Variants in GRM7 observed in about 807,000 individuals in gnomAD.
The protein encoded by GRM7 is glutamate metabotropic receptor 7.
A neutral mutation model predicts 84.5 loss-of-function variants in GRM7; 35 were observed. The observed-to-expected ratio is 0.41, with a 90% CI of 0.32 to 0.55. The LOEUF (loss-of-function observed/expected upper bound fraction) is 0.55, where lower values mean the gene tolerates loss of function less well. Ranked by LOEUF, GRM7 falls within the 20% of genes least tolerant of loss-of-function variation. The pLI, the probability that GRM7 is intolerant of heterozygous loss-of-function variation, is 0.19. For synonymous variants in GRM7, 487 were observed against 455.1 expected (o/e 1.07, Z -0.89); for missense variants, 1,003 against 1,194.6 (o/e 0.84, Z 2.36).
At chr3:7,565,013 C>A (rs1001924360) in intron 7 of GRM7, among the ~76,000 whole-genome samples, 6 of 152,272 alleles carry the variant, frequency 3.9e-5, no homozygotes, top group East Asian at 3.9e-4. Context: ...TTGTCCTCCA[C>A]CTAGTAACTG....
Position 7,694,743 on chromosome 3 carries a change from C to CTGTT in GRM7, c.2698+14449_2698+14452dup, listed in dbSNP as rs376873532. Reference sequence around the variant, plus strand: ...ACCATCATGGTTTAAAAATTAGTACCTGTTAGTACTCAGATATTTAAGGAA... The same window carrying CTGTT: ...ACCATCATGGTTTAAAAATTAGTACCTGTTTGTTAGTACTCAGATATTTAAGGAA... On this transcript the variant is annotated intron_variant, in intron 9 of 9. Transcript: ENST00000357716. Among the ~76,000 whole-genome samples, 1,259 of 152,228 alleles carry CTGTT rather than the reference C, an allele frequency of 8.3e-3. 14 individuals are homozygous for CTGTT. Among genetic ancestry groups the CTGTT allele is most frequent in the South Asian group, 0.043 (205 of 4,822 alleles).
chr3:6,919,523 A>G (rs984793982), intron 1 of GRM7, among the ~76,000 whole-genome samples: 10 of 150,812 alleles, frequency 6.6e-5, no homozygotes, highest in African/African-American at 7.3e-5. Flanking sequence ...TATATTTTAT[A>G]TCTTATGCTT....
intron 2 of GRM7, among the ~76,000 whole-genome samples, chr3:7,297,504 G>A (rs2125019658): frequency 6.6e-6 from 1 of 152,184 alleles, no homozygotes; most frequent in Non-Finnish European, 1.5e-5. Flanking sequence ...TAGTTTTGTT[G>A]GGTGTTTATA....
rs188470218 is a variant in GRM7 at position 7,459,982 on chromosome 3, C to A, written c.1376-1601C>A. Among the ~76,000 whole-genome samples, 11 of 150,822 alleles carry A rather than the reference C, an allele frequency of 7.3e-5. No homozygotes were observed. The East Asian group carries it at 2.0e-3, about 27-fold the overall frequency. On this transcript the variant is annotated intron_variant, in intron 6 of 9. Transcript: ENST00000357716. ...GAAGACTGCCTTCAAATACATAGAT[C>A]AAGAGTGACAAGACAGAGACAGGAT...
At chr3:6,938,900 C>G (rs934588614) in intron 1 of GRM7, among the ~76,000 whole-genome samples, 1 of 152,168 alleles carries the variant, frequency 6.6e-6, no homozygotes, top group Admixed American at 6.5e-5. Flanking sequence ...GATATTCCTT[C>G]TTATTATAAA....
intron 2 of GRM7, among the ~76,000 whole-genome samples, chr3:7,238,420 G>T (rs917480307): frequency 2.0e-5 from 3 of 151,254 alleles, no homozygotes; most frequent in African/African-American, 4.9e-5. Flanking sequence ...TCGAAATTGA[G>T]CCTAGAAAGC....
intron 1 of GRM7, among the ~76,000 whole-genome samples, chr3:6,888,773 T>G (rs1177389495): frequency 6.6e-6 from 1 of 152,132 alleles, no homozygotes; most frequent in African/African-American, 2.4e-5. Flanking sequence ...GTGAAGAAAA[T>G]CATTGGTAGC....
intron 7 of GRM7, among the ~76,000 whole-genome samples, chr3:7,513,671 T>C (rs1211175074): frequency 2.6e-5 from 4 of 152,220 alleles, no homozygotes; most frequent in Non-Finnish European, 5.9e-5. Flanking sequence ...CTACCCTAAT[T>C]TGATCATTAC....
intron 9 of GRM7, among the ~76,000 whole-genome samples, chr3:7,688,883 A>G (rs1194839688): frequency 2.6e-5 from 4 of 152,212 alleles, no homozygotes; most frequent in African/African-American, 9.7e-5. Flanking sequence ...GCCTGGTTTG[A>G]AAATGCATTC....
At chr3:6,929,750 T>A (rs1450255377) in intron 1 of GRM7, among the ~76,000 whole-genome samples, 1 of 152,128 alleles carries the variant, frequency 6.6e-6, no homozygotes, top group East Asian at 1.9e-4. Flanking sequence ...ATCAGAACAT[T>A]AAAAATTGAT....
chr3:7,022,367 G>GCACACA (rs71307753), intron 1 of GRM7, among the ~76,000 whole-genome samples: 44 of 145,730 alleles, frequency 3.0e-4, no homozygotes, highest in Non-Finnish European at 5.1e-4. Context: ...ACACACACAT[G>GCACACA]CACACACACA....
At chr3:7,467,672 A>G (rs1300649189) in intron 7 of GRM7, among the ~76,000 whole-genome samples, 1 of 152,104 alleles carries the variant, frequency 6.6e-6, no homozygotes, top group African/African-American at 2.4e-5. Flanking sequence ...TCTAGGTCAT[A>G]TTGTTTGTGC....
intron 4 of GRM7, among the ~76,000 whole-genome samples, chr3:7,354,188 G>A (rs1246312887): frequency 6.6e-6 from 1 of 152,120 alleles, no homozygotes; most frequent in Admixed American, 6.6e-5. Context: ...CCTTTTACCA[G>A]GATAACTGTG....
rs545541779 is a variant in GRM7, at chr3:6,933,916, C to G, written c.519+72009C>G. Among the ~76,000 whole-genome samples, 8 of 152,104 alleles carry G rather than the reference C, an allele frequency of 5.3e-5. No individual in the cohort carries two copies. In the East Asian group the frequency reaches 1.2e-3, roughly 22 times the overall value. ...AAATATTGACTTATAAACTTTTGTT[C>G]AACTAAGTGATTCTCTAGAGAAGGA... On this transcript the variant is annotated intron_variant, in intron 1 of 9. Coordinates refer to ENST00000357716, the MANE Select transcript of GRM7 (RefSeq NM_000844.4).
chr3:7,517,337 T>C (rs189969215), intron 7 of GRM7, among the ~76,000 whole-genome samples: 1 of 149,964 alleles, frequency 6.7e-6, no homozygotes, highest in East Asian at 2.0e-4. Context: ...TGTGTGATAT[T>C]ATTGTAATAA....
intron 8 of GRM7, among the ~76,000 whole-genome samples, chr3:7,614,984 C>A (rs1335206107): frequency 6.6e-6 from 1 of 152,124 alleles, no homozygotes; most frequent in Non-Finnish European, 1.5e-5. Flanking sequence ...CTGTGTCATA[C>A]CCTTTGGGCA....
rs184116501 is a variant in GRM7 at position 7,324,949 on chromosome 3, C to A, written c.1033+18297C>A. ...AGTATATATCAGCCAGGTCCTGCAGCTTTTCCAACGTGTAATTTATCTCCT... is the reference window on the plus strand; with the variant it reads ...AGTATATATCAGCCAGGTCCTGCAGATTTTCCAACGTGTAATTTATCTCCT... On this transcript the variant is annotated intron_variant, in intron 4 of 9. Transcript: ENST00000357716. Among the ~76,000 whole-genome samples, 4 of 152,312 alleles carry A rather than the reference C, an allele frequency of 2.6e-5. No homozygotes were observed. The East Asian group carries it at 7.7e-4, about 29-fold the overall frequency.
chr3:7,349,960 C>T (rs9830108), intron 4 of GRM7, among the ~76,000 whole-genome samples: 16,480 of 151,868 alleles, frequency 0.11, 959 homozygotes, highest in African/African-American at 0.15. Flanking sequence ...TCTCTAGCAC[C>T]GCTTTTGAAT....
intron 5 of GRM7, among the ~76,000 whole-genome samples, chr3:7,447,421 G>T (rs1270017910): frequency 6.6e-6 from 1 of 152,132 alleles, no homozygotes; most frequent in Non-Finnish European, 1.5e-5. Context: ...AAGTGTAGTA[G>T]TTAAATAAAC....
Sources: gnomAD v4.1 joint callset for allele counts (sites outside exome capture counted in the v4.1 genomes callset) on GRCh38, gnomAD v4.1.1 for gene constraint, MANE v1.5 for transcripts, NCBI Gene and HGNC (gene_info 2026-07-23, HGNC 2026-07-21) for gene names.